RALB: variants seen among roughly 807,000 people sequenced by gnomAD.
RALB encodes the protein RAS like proto-oncogene B.
RALB carries 16 observed loss-of-function variants against 21.3 expected under a neutral mutation model. That is an observed-to-expected ratio of 0.75 (90% CI 0.51 to 1.14). The LOEUF (loss-of-function observed/expected upper bound fraction) is 1.14, where lower values mean the gene tolerates loss of function less well. Among genes scored for constraint, RALB ranks in the 50% most tolerant of loss-of-function variants. The pLI is 0.00. For missense variants in RALB, 161 were observed against 256.2 expected, an observed-to-expected ratio of 0.63 and a Z score of 2.54; for synonymous variants, 93 against 96.1, an observed-to-expected ratio of 0.97 and a Z score of 0.19.
At chr2:120,275,691 G>T (rs1022376187) in intron 1 of RALB, among the ~76,000 whole-genome samples, 3 of 152,096 alleles carry the variant, frequency 2.0e-5, no homozygotes, top group South Asian at 4.2e-4. Context: ...AGGCTATCTC[G>T]TCAGCAGTAA....
rs1001402162 is a variant in RALB at position 120,286,316 on chromosome 2, T to C, written c.323+234T>C. Among the ~76,000 whole-genome samples, 7 of 152,316 alleles carry C rather than the reference T, an allele frequency of 4.6e-5. No individual in the cohort carries two copies. In the Middle Eastern group the frequency reaches 0.014, roughly 296 times the overall value. On this transcript the variant is annotated intron_variant, in intron 3 of 4. Transcript: ENST00000272519. ...ATCTGTGATTTCTGAATAAAATAAT[T>C]TTAAGAGTCTTACTGTCCCCGAAAA...
intron 1 of RALB, among the ~76,000 whole-genome samples, chr2:120,266,923 A>G (rs1689518868): frequency 1.3e-5 from 2 of 152,122 alleles, no homozygotes; most frequent in South Asian, 2.1e-4. Flanking sequence ...GACTTTCCCT[A>G]AGTGAAATGG....
intron 2 of RALB, among the ~76,000 whole-genome samples, chr2:120,282,857 C>G (rs1690028007): frequency 1.3e-5 from 2 of 152,102 alleles, no homozygotes; most frequent in Admixed American, 6.5e-5. Context: ...TGAAAATGTT[C>G]TGTATCTATA....
chr2:120,289,069 G>A (rs1051907011), intron 3 of RALB, among the ~76,000 whole-genome samples: 2 of 152,028 alleles, frequency 1.3e-5, no homozygotes, highest in African/African-American at 4.8e-5. Flanking sequence ...TGCTGGTTGC[G>A]ACCCACTAGA....
Position 120,294,677 on chromosome 2 carries a change from G to A in RALB, c.*1417G>A, listed in dbSNP as rs929535806. The A allele has an allele frequency of 1.2e-5, 2 of 160,080 alleles. No individual in the cohort carries two copies. The highest frequency in any genetic ancestry group is 4.8e-5 in the African/African-American group (2 of 41,732). 9.9% of individuals were successfully genotyped at this position (160,080 alleles called of 1,614,324 possible). On this transcript the variant is annotated 3_prime_UTR_variant, in exon 5 of 5. Transcript: ENST00000272519. The stretch of plus-strand genomic sequence containing the variant: ...TGTATCCCCTCCCAAAGAATCATGG[G>A]CTTTTTTTTTGAATAAAAAAGCAGA...
At chr2:120,291,709 C>G (rs1433789728) in intron 4 of RALB, among the ~76,000 whole-genome samples, 1 of 152,050 alleles carries the variant, frequency 6.6e-6, no homozygotes, top group Admixed American at 6.5e-5. Context: ...GCTGTTAGGA[C>G]AAAAAGACAA....
intron 1 of RALB, among the ~76,000 whole-genome samples, chr2:120,254,747 C>T (rs758064712): frequency 1.3e-5 from 2 of 152,082 alleles, no homozygotes; most frequent in Non-Finnish European, 2.9e-5. Flanking sequence ...GTGTGATCAC[C>T]GCTCACTGCA....
chr2:120,275,604 A>G (rs1368910204), intron 1 of RALB, among the ~76,000 whole-genome samples: 1 of 152,038 alleles, frequency 6.6e-6, no homozygotes, highest in African/African-American at 2.4e-5. Context: ...CCACTGATTT[A>G]AGATGATGTT....
rs3795887 is a variant in RALB at position 120,278,483 on chromosome 2, C to T, written c.-47-135C>T. On this transcript the variant is annotated intron_variant, in intron 1 of 4. Coordinates refer to ENST00000272519, the MANE Select transcript of RALB (RefSeq NM_002881.3). ...AGTTGTTGGAGGGCTCGCATGTCTG[C>T]CCTGAGCCTGAAAGGATTACTTTCC... 7.1e-4 allele frequency: 608 copies of T among 855,536 alleles called. 7 individuals carry two copies. The East Asian group carries it at 0.02, about 28-fold the overall frequency. 53.0% of individuals were successfully genotyped at this position (855,536 alleles called of 1,614,324 possible). A position where few individuals can be genotyped will look rare whatever the true frequency, so the allele number is the denominator to read the frequency against.
At chr2:120,285,217 C>T (rs1487262990) in intron 2 of RALB, among the ~76,000 whole-genome samples, 1 of 152,128 alleles carries the variant, frequency 6.6e-6, no homozygotes, top group Non-Finnish European at 1.5e-5. Context: ...CTTATGAAAC[C>T]ATCAGGTCCT....
intron 3 of RALB, among the ~76,000 whole-genome samples, chr2:120,289,254 T>TTC (rs1553525668): frequency 6.6e-6 from 1 of 151,352 alleles, no homozygotes; most frequent in African/African-American, 2.4e-5. Flanking sequence ...GTTTTTTTTT[T>TTC]TGTGTGTGCA....
At chr2:120,262,594 G>GGTGGTCCT (rs1284385620) in intron 1 of RALB, among the ~76,000 whole-genome samples, 1 of 152,122 alleles carries the variant, frequency 6.6e-6, no homozygotes, top group East Asian at 1.9e-4. Context: ...TTAAGAGGAG[G>GGTGGTCCT]GTGGTCCTGT....
At chr2:120,240,257 T>C (rs1574838037) in intron 1 of RALB, 1 of 711,348 alleles carries the variant, frequency 1.4e-6, no homozygotes, top group Non-Finnish European at 2.0e-6. Flanking sequence ...ACACAGCATG[T>C]ACTCATGGAG....
At chr2:120,280,739 G>T (rs1302380223) in intron 2 of RALB, 6 of 272,874 alleles carry the variant, frequency 2.2e-5, no homozygotes. Context: ...TCATGTAGTT[G>T]TGAAGCTGAA....
chr2:120,289,552 C>T (rs1318071473), intron 3 of RALB, 28 bp from the exon 4 acceptor site: 2 of 1,600,590 alleles, frequency 1.2e-6, no homozygotes, highest in Admixed American at 1.7e-5. Context: ...GTTTTTTTAG[C>T]TGCTGTATTT....
At chr2:120,247,448 C>T (rs1440068019) in intron 1 of RALB, among the ~76,000 whole-genome samples, 1 of 152,160 alleles carries the variant, frequency 6.6e-6, no homozygotes, top group African/African-American at 2.4e-5. Flanking sequence ...TTCCCAGGAA[C>T]ATCTGGTGAG....
At chr2:120,243,473 T>C (rs542060588) in intron 1 of RALB, among the ~76,000 whole-genome samples, 479 of 152,288 alleles carry the variant, frequency 3.1e-3, no homozygotes, top group Non-Finnish European at 5.8e-3. Flanking sequence ...CCTCCCTCCA[T>C]CCTCCTGGTG....
chr2:120,259,354 A>G (rs2104588819), intron 1 of RALB, among the ~76,000 whole-genome samples: 1 of 152,226 alleles, frequency 6.6e-6, no homozygotes, highest in South Asian at 2.1e-4. Flanking sequence ...GCTAGATACA[A>G]AGGTTCTCCA....
At chr2:120,258,065 G>A (rs2104585302) in intron 1 of RALB, among the ~76,000 whole-genome samples, 1 of 152,238 alleles carries the variant, frequency 6.6e-6, no homozygotes, top group African/African-American at 2.4e-5. Flanking sequence ...ACCCACATCT[G>A]CTCTTGACCC....
Sources: allele counts gnomAD v4.1 joint callset (sites outside exome capture counted in the v4.1 genomes callset), GRCh38; gene constraint gnomAD v4.1.1; transcripts MANE v1.5; gene names NCBI Gene and HGNC (gene_info 2026-07-23, HGNC 2026-07-21).